The following SCN11A variants were observed in gnomAD, a reference collection of about 807,000 sequenced individuals.
SCN11A encodes sodium voltage-gated channel alpha subunit 11.
SCN11A carries 122 observed loss-of-function variants against 162.2 expected under a neutral mutation model. The observed-to-expected ratio is 0.75, with a 90% CI of 0.65 to 0.87. The LOEUF (loss-of-function observed/expected upper bound fraction) is 0.87. Among genes scored for constraint, SCN11A ranks in the 40% least tolerant of loss-of-function variants. The pLI, the probability that SCN11A is intolerant of heterozygous loss-of-function variation, is 0.00. For synonymous variants in SCN11A, 758 were observed against 751.5 expected (o/e 1.01, Z -0.14); for missense variants, 2,015 against 2,181.6 (o/e 0.92, Z 1.52).
rs532577995 is a variant in SCN11A at position 38,926,555 on chromosome 3, C to T, written c.617+248G>A. Among the ~76,000 whole-genome samples, 11 of 151,922 alleles carry T rather than the reference C, an allele frequency of 7.2e-5. No homozygotes were observed. The South Asian group carries it at 2.1e-3, about 29-fold the overall frequency. The stretch of plus-strand genomic sequence containing the variant: ...CCATAGAGCCTGGCCCATAACAGGC[C>T]AGTGTTGGTGAGTAAATGGCTGAAG... On this transcript the variant is annotated intron_variant, in intron 8 of 29. Transcript: ENST00000302328.
chr3:38,983,564 C>A (rs1050154060), intron 2 of SCN11A, among the ~76,000 whole-genome samples: 1 of 152,150 alleles, frequency 6.6e-6, no homozygotes, highest in Admixed American at 6.5e-5. Flanking sequence ...TAAGGTAAAG[C>A]CAAGTGTGAC....
chr3:38,909,714 T>G (rs961337995), intron 12 of SCN11A, among the ~76,000 whole-genome samples: 1 of 151,056 alleles, frequency 6.6e-6, no homozygotes, highest in Non-Finnish European at 1.5e-5. Context: ...TTCCAAGTAG[T>G]GGGGATTACA....
intron 10 of SCN11A, among the ~76,000 whole-genome samples, 166 bp downstream of exon 10, chr3:38,920,910 G>A (rs1432434134): frequency 6.6e-6 from 1 of 152,108 alleles, no homozygotes; most frequent in East Asian, 1.9e-4. Context: ...AAAGAATGAG[G>A]CAATTCTCTA....
chr3:39,034,431 G>T (rs2031848587), intron 1 of SCN11A, among the ~76,000 whole-genome samples: 2 of 152,026 alleles, frequency 1.3e-5, no homozygotes. Context: ...AATCCTCAAA[G>T]AACTGGACAT....
In SCN11A at chr3:39,003,873, G is replaced by GT. The variant is rs34577825; in HGVS notation, c.-280+28506dup. ...ATGTCCTTTGCCCACTTTTTAATGG[G>GT]TTTTTTTTTCTTGTAAATTTGTTTA... On this transcript the variant is annotated intron_variant, in intron 2 of 29. Coordinates refer to ENST00000302328, the MANE Select transcript of SCN11A (RefSeq NM_001349253.2). Among the ~76,000 whole-genome samples the GT allele has an allele frequency of 1.3e-4, 19 of 150,992 alleles. No homozygotes were observed. The South Asian group carries it at 1.5e-3, about 12-fold the overall frequency.
chr3:38,936,776 C>T (rs1235768510), intron 7 of SCN11A, among the ~76,000 whole-genome samples: 10 of 152,150 alleles, frequency 6.6e-5, no homozygotes, highest in South Asian at 2.1e-4. Flanking sequence ...GAATCAGTAT[C>T]GTGAAAATGG....
In SCN11A at chr3:38,926,908, A is replaced by G. The variant is rs1352880373; in HGVS notation, c.512T>C (p.Ile171Thr). 1.9e-6 allele frequency: 3 copies of G among 1,613,390 alleles called. No homozygotes were observed. In the Admixed American group the frequency reaches 5.0e-5, roughly 27 times the overall value. The change falls in exon 8 of 30, where the codon ATT (isoleucine) becomes ACT (threonine). Residue 171 changes from isoleucine (I) to threonine (T), a missense_variant. Coordinates refer to ENST00000302328, the MANE Select transcript of SCN11A (RefSeq NM_001349253.2). ...IAECVFTGIY[I>T]FEALIKILAR... ...CAATATTTTAATCAAAGCTTCAAAA[A>G]TATAAATCCCAGTGAAGACACACCT...
chr3:38,898,890 T>A (rs1273014737), intron 17 of SCN11A, among the ~76,000 whole-genome samples: 1 of 152,012 alleles, frequency 6.6e-6, no homozygotes, highest in African/African-American at 2.4e-5. Context: ...TGCCACAGAT[T>A]TCCGTGCATT....
At chr3:38,989,903 A>C (rs1359291284) in intron 2 of SCN11A, among the ~76,000 whole-genome samples, 1 of 150,706 alleles carries the variant, frequency 6.6e-6, no homozygotes, top group East Asian at 2.0e-4. Flanking sequence ...ATACAGGGTG[A>C]CTCTGTCGAA....
chr3:38,986,399 TC>T (rs1434810158), intron 2 of SCN11A, among the ~76,000 whole-genome samples: 5 of 149,944 alleles, frequency 3.3e-5, no homozygotes, highest in Non-Finnish European at 3.0e-5. Flanking sequence ...AATGGAGACT[TC>T]AGTGGAGCTG....
intron 2 of SCN11A, among the ~76,000 whole-genome samples, chr3:38,972,981 T>C (rs1011120716): frequency 6.6e-6 from 1 of 152,180 alleles, no homozygotes; most frequent in African/African-American, 2.4e-5. Flanking sequence ...AATGTTTACA[T>C]GAAAATTAAT....
At chr3:38,951,380 A>C (rs1445547582) in intron 4 of SCN11A, among the ~76,000 whole-genome samples, 2 of 152,208 alleles carry the variant, frequency 1.3e-5, no homozygotes, top group African/African-American at 2.4e-5. Flanking sequence ...GCCTTAGCTG[A>C]CTTCCCGCGG....
chr3:38,940,872 T>C (rs1234397964), intron 7 of SCN11A, among the ~76,000 whole-genome samples: 1 of 152,112 alleles, frequency 6.6e-6, no homozygotes, highest in East Asian at 1.9e-4. Flanking sequence ...CCTGCTTCAA[T>C]TGTGATGAAG....
intron 3 of SCN11A, among the ~76,000 whole-genome samples, chr3:38,957,533 C>T (rs973748650): frequency 2.0e-5 from 3 of 152,168 alleles, no homozygotes; most frequent in South Asian, 2.1e-4. Flanking sequence ...ATGCGGGTTA[C>T]GACTTGACGT....
At chr3:39,041,532 G>A (rs186716516) in intron 1 of SCN11A, among the ~76,000 whole-genome samples, 7 of 152,248 alleles carry the variant, frequency 4.6e-5, no homozygotes, top group Admixed American at 3.9e-4. Context: ...CTTACAGGCC[G>A]GGAGAGAATG....
intron 1 of SCN11A, among the ~76,000 whole-genome samples, chr3:39,046,645 A>C (rs2032187089): frequency 1.3e-5 from 2 of 152,184 alleles, no homozygotes; most frequent in South Asian, 4.1e-4. Context: ...AAAACAGCAT[A>C]GTACTGGCAT....
In SCN11A at chr3:38,860,665, A is replaced by G. The variant is rs147714215; in HGVS notation, c.4056+2530T>C. ...CATATGATCATCTCAACAGACACAG[A>G]AAAAGCATTTGACAAAATTCAGCAT... On this transcript the variant is annotated intron_variant, in intron 28 of 29. Transcript: ENST00000302328. 8.1e-3 allele frequency among the ~76,000 whole-genome samples: 1,228 copies of G among 152,316 alleles called. 19 individuals are homozygous for G. The highest frequency in any genetic ancestry group is 0.028 in the African/African-American group (1,146 of 41,568).
chr3:38,908,637 C>T (rs1484271237), intron 13 of SCN11A, among the ~76,000 whole-genome samples: 1 of 152,056 alleles, frequency 6.6e-6, no homozygotes, highest in Non-Finnish European at 1.5e-5. Context: ...GCAAAGGCGC[C>T]GAACACAAAC....
chr3:38,920,655 C>T (rs575481730), intron 10 of SCN11A, among the ~76,000 whole-genome samples: 62 of 142,512 alleles, frequency 4.4e-4, no homozygotes, highest in African/African-American at 1.5e-3. Context: ...CACTGCACTC[C>T]GGCCTGGTGA....
Sources: allele counts gnomAD v4.1 joint callset (sites outside exome capture counted in the v4.1 genomes callset), GRCh38; gene constraint gnomAD v4.1.1; transcripts MANE v1.5; gene names NCBI Gene and HGNC (gene_info 2026-07-23, HGNC 2026-07-21).